The following NTRK3 variants were observed in gnomAD, a reference collection of about 807,000 sequenced individuals.
The protein encoded by NTRK3 is neurotrophic receptor tyrosine kinase 3.
In NTRK3, 24 loss-of-function variants were observed where a neutral mutation model predicts 91.7. The ratio of observed to expected loss-of-function variants is 0.26; its 90% confidence interval spans 0.19 to 0.37. The LOEUF (loss-of-function observed/expected upper bound fraction) is 0.37. NTRK3 is among the 10% of genes least tolerant of loss of function. The pLI is 1.00. For synonymous variants in NTRK3, 483 were observed against 404.0 expected, an observed-to-expected ratio of 1.20 and a Z score of -2.34; for missense variants, 880 against 1,068.9, an observed-to-expected ratio of 0.82 and a Z score of 2.46.
At chr15:87,877,955 T>A (rs898992187) in intron 18 of NTRK3, among the ~76,000 whole-genome samples, 3 of 152,120 alleles carry the variant, frequency 2.0e-5, no homozygotes, top group African/African-American at 4.8e-5. Context: ...AGAAAACAAG[T>A]AATGCATGCC....
chr15:88,170,130 T>G (rs1053054468), intron 5 of NTRK3, among the ~76,000 whole-genome samples: 3 of 152,198 alleles, frequency 2.0e-5, no homozygotes, highest in South Asian at 2.1e-4. Context: ...AGGGTATTAA[T>G]GTATTAATGT....
At chr15:88,059,038 A>G (rs992603399) in intron 13 of NTRK3, among the ~76,000 whole-genome samples, 1 of 145,270 alleles carries the variant, frequency 6.9e-6, no homozygotes, top group Admixed American at 6.9e-5. Context: ...CCTTTATTTC[A>G]CTCACACACA....
intron 14 of NTRK3, among the ~76,000 whole-genome samples, chr15:87,956,283 T>C (rs2071646316): frequency 6.6e-6 from 1 of 152,116 alleles, no homozygotes; most frequent in Non-Finnish European, 1.5e-5. Flanking sequence ...GTTTTTGTTG[T>C]TGTTGTTGTT....
chr15:88,092,296 T>C (rs2049088450), intron 13 of NTRK3, among the ~76,000 whole-genome samples: 2 of 152,198 alleles, frequency 1.3e-5, no homozygotes, highest in South Asian at 4.1e-4. Context: ...CCTTAACTTA[T>C]ATCATCATCA....
In NTRK3 at chr15:88,180,437, A is replaced by G. The variant is rs147126133; in HGVS notation, c.395+2981T>C. Among the ~76,000 whole-genome samples, 737 of 152,348 alleles carry G rather than the reference A, an allele frequency of 4.8e-3. 5 individuals are homozygous for G. Among genetic ancestry groups the G allele is most frequent in the African/African-American group, 0.017 (699 of 41,580 alleles). ...TCAGTCACTCATAAACCATGACGTA[A>G]GGCCCAAGAGTCCTAATCTCCAGCC... On this transcript the variant is annotated intron_variant, in intron 5 of 18. Transcript: ENST00000394480.
intron 5 of NTRK3, among the ~76,000 whole-genome samples, chr15:88,182,237 A>G (rs2046537716): frequency 6.6e-6 from 1 of 152,048 alleles, no homozygotes; most frequent in Non-Finnish European, 1.5e-5. Flanking sequence ...ATAAACAAAT[A>G]TTTATCAAGC....
At chr15:87,970,655 CTG>C (rs1388717337) in intron 14 of NTRK3, among the ~76,000 whole-genome samples, 2 of 152,178 alleles carry the variant, frequency 1.3e-5, no homozygotes, top group African/African-American at 4.8e-5. Flanking sequence ...CTAATGCAAA[CTG>C]TGAAACTCTA....
intron 3 of NTRK3, among the ~76,000 whole-genome samples, chr15:88,218,262 G>C (rs2049956668): frequency 6.6e-6 from 1 of 152,148 alleles, no homozygotes; most frequent in South Asian, 2.1e-4. Context: ...TTTCTATGCA[G>C]CCTCCATAGA....
At chr15:88,191,555 C>T (rs2151677616) in intron 3 of NTRK3, among the ~76,000 whole-genome samples, 1 of 152,310 alleles carries the variant, frequency 6.6e-6, no homozygotes, top group East Asian at 1.9e-4. Flanking sequence ...CCTGCAGAAG[C>T]TAGTCTGGAA....
At chr15:88,141,297 C>T (rs1012720176) in intron 6 of NTRK3, among the ~76,000 whole-genome samples, 9 of 152,190 alleles carry the variant, frequency 5.9e-5, no homozygotes, top group Non-Finnish European at 1.3e-4. Context: ...ATATTAGCAT[C>T]GCACTTGCCG....
intron 3 of NTRK3, chr15:88,252,819 G>C (rs1378591875): frequency 6.6e-6 from 1 of 152,284 alleles, no homozygotes; most frequent in Admixed American, 6.5e-5. Flanking sequence ...CTCTGGTGAG[G>C]GGTGGAGGTG....
intron 14 of NTRK3, among the ~76,000 whole-genome samples, chr15:87,968,810 C>T (rs1189202558): frequency 1.3e-5 from 2 of 152,124 alleles, no homozygotes; most frequent in Admixed American, 6.5e-5. Context: ...GTGATTCTAA[C>T]TGCAATTTGG....
Position 88,212,700 on chromosome 15 carries a change from TCACACACA to T in NTRK3, c.249-28409_249-28402del, listed in dbSNP as rs60620542. 9.3e-3 allele frequency among the ~76,000 whole-genome samples: 1,366 copies of T among 146,100 alleles called. 15 individuals carry two copies. Among genetic ancestry groups the T allele is most frequent in the African/African-American group, 0.026 (1,004 of 38,236 alleles). Reference sequence around the variant, plus strand: ...CATGGAAGCTGTTTTGGCTGCTGCATCACACACACACACACACACACACACACACACAC... The same window carrying T: ...CATGGAAGCTGTTTTGGCTGCTGCATCACACACACACACACACACACACAC... On this transcript the variant is annotated intron_variant, in intron 3 of 18. Transcript: ENST00000394480.
chr15:87,918,825 G>A (rs2067644265), intron 17 of NTRK3, among the ~76,000 whole-genome samples: 1 of 152,190 alleles, frequency 6.6e-6, no homozygotes, highest in African/African-American at 2.4e-5. Flanking sequence ...GTTAGCAAAT[G>A]TGCAAATGTG....
intron 5 of NTRK3, among the ~76,000 whole-genome samples, chr15:88,178,080 C>T (rs987097222): frequency 1.3e-5 from 2 of 152,160 alleles, no homozygotes; most frequent in Non-Finnish European, 2.9e-5. Context: ...AAGTCCTCCA[C>T]AAAGAACAGA....
At chr15:88,060,109 G>A (rs576293712) in intron 13 of NTRK3, among the ~76,000 whole-genome samples, 101 of 152,314 alleles carry the variant, frequency 6.6e-4, no homozygotes, top group African/African-American at 2.2e-3. Context: ...GCACCCTGTG[G>A]CTGGGTGAGG....
chr15:87,954,117 A>T (rs563395192), intron 14 of NTRK3, among the ~76,000 whole-genome samples: 1 of 141,794 alleles, frequency 7.1e-6, no homozygotes, highest in East Asian at 2.1e-4. Context: ...GATGTGAATG[A>T]CTCCTTGAGC....
chr15:87,884,292 T>TA lies in NTRK3; in HGVS notation c.2134-3865dup, dbSNP rs1408724357. Among the ~76,000 whole-genome samples, 4 of 151,720 alleles carry TA rather than the reference T, an allele frequency of 2.6e-5. No individual in the cohort carries two copies. In the East Asian group the frequency reaches 7.7e-4, roughly 29 times the overall value. The stretch of plus-strand genomic sequence containing the variant: ...TGGTTTACTAAAAATATTAATTTTT[T>TA]AAAAGTTAAATAGAAAAGTTGAATA... On this transcript the variant is annotated intron_variant, in intron 17 of 18. Transcript: ENST00000394480.
intron 14 of NTRK3, among the ~76,000 whole-genome samples, chr15:87,985,144 A>G (rs1008035476): frequency 1.8e-4 from 27 of 152,146 alleles, no homozygotes; most frequent in Admixed American, 7.2e-4. Flanking sequence ...CAGAAGGGGG[A>G]GACAGCTCAG....
Sources: allele counts gnomAD v4.1 joint callset (sites outside exome capture counted in the v4.1 genomes callset), GRCh38; gene constraint gnomAD v4.1.1; transcripts MANE v1.5; gene names NCBI Gene and HGNC (gene_info 2026-07-23, HGNC 2026-07-21).